TGFB2: variants seen among roughly 807,000 people sequenced by gnomAD.
The protein encoded by TGFB2 is transforming growth factor beta-2 proprotein.
In TGFB2, 13 loss-of-function variants were observed where a neutral mutation model predicts 42.7. That is an observed-to-expected ratio of 0.30 (90% confidence interval 0.20 to 0.48). TGFB2 has a LOEUF of 0.48. Ranked by LOEUF, TGFB2 falls within the 20% of genes least tolerant of loss-of-function variation. The probability of loss-of-function intolerance (pLI) is 0.99; values close to 1 mark genes in which losing one functional copy is unlikely to be tolerated. For synonymous variants in TGFB2, 193 were observed against 193.6 expected (o/e 1.00, Z 0.03); for missense variants, 390 against 517.5 (o/e 0.75, Z 2.39).
chr1:218,433,587 G>C (rs1558261896), intron 2 of TGFB2, among the ~76,000 whole-genome samples: 1 of 152,162 alleles, frequency 6.6e-6, no homozygotes, highest in African/African-American at 2.4e-5. Context: ...CAATGGATTT[G>C]GAAACCAAGG....
intron 2 of TGFB2, among the ~76,000 whole-genome samples, chr1:218,415,166 A>G (rs987820968): frequency 2.6e-5 from 4 of 152,242 alleles, no homozygotes; most frequent in East Asian, 1.9e-4. Context: ...CTAGCACAGT[A>G]TCTGTATCCT....
At chr1:218,367,027 C>T (rs971312268) in intron 1 of TGFB2, among the ~76,000 whole-genome samples, 1 of 152,200 alleles carries the variant, frequency 6.6e-6, no homozygotes, top group Non-Finnish European at 1.5e-5. Flanking sequence ...CCTCTGCTCA[C>T]TGTTCATCAC....
chr1:218,409,808 C>T (rs1659038071), intron 2 of TGFB2, among the ~76,000 whole-genome samples: 1 of 152,186 alleles, frequency 6.6e-6, no homozygotes, highest in African/African-American at 2.4e-5. Flanking sequence ...ATCCTAATCC[C>T]TAGAGGAAAA....
At chr1:218,405,807 T>C (rs1658893426) in intron 2 of TGFB2, among the ~76,000 whole-genome samples, 1 of 152,190 alleles carries the variant, frequency 6.6e-6, no homozygotes, top group Admixed American at 6.5e-5. Context: ...ATTACTGTTC[T>C]AGTAATAGCT....
chr1:218,356,674 T>C (rs1657044374), intron 1 of TGFB2, among the ~76,000 whole-genome samples: 1 of 152,222 alleles, frequency 6.6e-6, no homozygotes, highest in Non-Finnish European at 1.5e-5. Context: ...GGCTTCTATG[T>C]AATGTGCTTC....
intron 1 of TGFB2, among the ~76,000 whole-genome samples, chr1:218,364,321 G>A (rs551195529): frequency 1.5e-3 from 222 of 152,300 alleles, no homozygotes; most frequent in Non-Finnish European, 2.2e-3. Flanking sequence ...GTTAGGCTGA[G>A]GGGTACAAAA....
chr1:218,424,728 T>C (rs1247337370), intron 2 of TGFB2, among the ~76,000 whole-genome samples: 1 of 152,214 alleles, frequency 6.6e-6, no homozygotes, highest in Non-Finnish European at 1.5e-5. Flanking sequence ...TTAACAACAG[T>C]TTGTGAATAA....
chr1:218,378,457 G>A (rs1657828520), intron 1 of TGFB2, among the ~76,000 whole-genome samples: 2 of 152,146 alleles, frequency 1.3e-5, no homozygotes, highest in Admixed American at 6.5e-5. Flanking sequence ...GATTACAGGC[G>A]TGAGCTACTG....
chr1:218,441,822 A>G lies in TGFB2; in HGVS notation c.*460A>G, dbSNP rs1459650698. The G allele has an allele frequency of 6.5e-6, 1 of 154,146 alleles. No homozygotes were observed. The highest frequency in any genetic ancestry group is 1.4e-5 in the Non-Finnish European group (1 of 69,478). The allele number at this position is 154,146 out of a possible 1,614,324, so 9.5% of individuals were successfully genotyped here. On this transcript the variant is annotated 3_prime_UTR_variant, in exon 7 of 7. Transcript: ENST00000366930. Reference sequence around the variant, plus strand: ...CTTCCCATTCTTACTCTTAGAGTTAACAGTGAGTTATTTATTGTGTGTTAC... The same window carrying G: ...CTTCCCATTCTTACTCTTAGAGTTAGCAGTGAGTTATTTATTGTGTGTTAC...
intron 1 of TGFB2, among the ~76,000 whole-genome samples, chr1:218,386,976 C>T (rs1162652262): frequency 6.6e-6 from 1 of 152,198 alleles, no homozygotes. Context: ...AGGTGAACAC[C>T]TAAAGAGGCC....
At chr1:218,364,874 T>C (rs919915997) in intron 1 of TGFB2, among the ~76,000 whole-genome samples, 1 of 152,218 alleles carries the variant, frequency 6.6e-6, no homozygotes, top group Admixed American at 6.5e-5. Flanking sequence ...TTGTGAGTCA[T>C]TACGTTTTGT....
chr1:218,387,580 C>T (rs185679772), intron 1 of TGFB2, among the ~76,000 whole-genome samples: 9 of 152,100 alleles, frequency 5.9e-5, no homozygotes, highest in East Asian at 3.9e-4. Context: ...CTTTTAGACA[C>T]GAGGGAACCG....
At chr1:218,427,340 A>C (rs1474047320) in intron 2 of TGFB2, among the ~76,000 whole-genome samples, 5 of 151,522 alleles carry the variant, frequency 3.3e-5, no homozygotes, top group Non-Finnish European at 7.4e-5. Flanking sequence ...TTATTTATTT[A>C]TTTTATTATT....
At chr1:218,438,935 C>T (rs10482830) in intron 6 of TGFB2, among the ~76,000 whole-genome samples, 3,276 of 151,922 alleles carry the variant, frequency 0.022, 41 homozygotes, top group African/African-American at 0.039. Flanking sequence ...GATGAAACCC[C>T]GTCTCTACTA....
intron 1 of TGFB2, among the ~76,000 whole-genome samples, chr1:218,401,283 T>C: frequency 6.6e-6 from 1 of 152,254 alleles, no homozygotes; most frequent in East Asian, 1.9e-4. Flanking sequence ...AAGCTTTTTG[T>C]ATACTGTTAC....
At chr1:218,359,283 C>T (rs373172745) in intron 1 of TGFB2, among the ~76,000 whole-genome samples, 4 of 152,188 alleles carry the variant, frequency 2.6e-5, no homozygotes, top group African/African-American at 9.7e-5. Flanking sequence ...ATTTTTAAAA[C>T]ATTAAGTTGT....
At chr1:218,380,229 A>G (rs1287246359) in intron 1 of TGFB2, among the ~76,000 whole-genome samples, 1 of 152,220 alleles carries the variant, frequency 6.6e-6, no homozygotes, top group East Asian at 1.9e-4. Context: ...GCAGCAGTAC[A>G]GTGTAATGAT....
chr1:218,356,240 G>A (rs536292238), intron 1 of TGFB2, among the ~76,000 whole-genome samples: 2 of 150,164 alleles, frequency 1.3e-5, no homozygotes, highest in Non-Finnish European at 3.0e-5. Flanking sequence ...TTTTTTTCGA[G>A]ACAGTCTCAC....
At chr1:218,358,379 C>T (rs1558225995) in intron 1 of TGFB2, among the ~76,000 whole-genome samples, 1 of 152,150 alleles carries the variant, frequency 6.6e-6, no homozygotes, top group Non-Finnish European at 1.5e-5. Context: ...TTTCTGTTTA[C>T]ACCAGATGTA....
Sources: gnomAD v4.1 joint callset for allele counts (sites outside exome capture counted in the v4.1 genomes callset) on GRCh38, gnomAD v4.1.1 for gene constraint, MANE v1.5 for transcripts, NCBI Gene and HGNC (gene_info 2026-07-23, HGNC 2026-07-21) for gene names.